The following SQOR variants were observed in gnomAD, a reference collection of about 807,000 sequenced individuals.
SQOR encodes sulfide:quinone oxidoreductase, mitochondrial.
In SQOR, 39 loss-of-function variants were observed where a neutral mutation model predicts 48.6. The ratio of observed to expected loss-of-function variants is 0.80; its 90% CI spans 0.62 to 1.05. The LOEUF (loss-of-function observed/expected upper bound fraction) is 1.05, where lower values mean the gene tolerates loss of function less well. SQOR is among the 50% of genes least tolerant of loss of function. The pLI is 0.00. For missense variants in SQOR, 561 were observed against 559.9 expected (o/e 1.00, Z -0.02); for synonymous variants, 220 against 206.2 (o/e 1.07, Z -0.57).
chr15:45,642,746 ACATAATTCCTTTTTCTTCAG>A (rs892416189), intron 1 of SQOR, among the ~76,000 whole-genome samples: 3 of 152,074 alleles, frequency 2.0e-5, no homozygotes, highest in Non-Finnish European at 2.9e-5. Flanking sequence ...TTTTCTGCTC[ACATAATTCCTTTTTCTTCAG>A]CTGTCTAGAT....
intron 1 of SQOR, among the ~76,000 whole-genome samples, chr15:45,649,473 GTTTTTC>G (rs941418499): frequency 7.9e-5 from 12 of 152,250 alleles, no homozygotes; most frequent in African/African-American, 2.4e-4. Context: ...ATTTATTGAT[GTTTTTC>G]TTTTTCTTTT....
intron 3 of SQOR, among the ~76,000 whole-genome samples, chr15:45,666,745 C>T (rs1392388732): frequency 8.5e-6 from 1 of 117,624 alleles, no homozygotes; most frequent in Non-Finnish European, 1.8e-5. Flanking sequence ...CCCTTCCCTC[C>T]TCTCCTCTCT....
At chr15:45,674,440 TA>T (rs766883123) in intron 5 of SQOR, among the ~76,000 whole-genome samples, 2,802 of 138,478 alleles carry the variant, frequency 0.02, 69 homozygotes, top group African/African-American at 0.061. Flanking sequence ...AGCTCCGTCT[TA>T]AAAAAAAAAA....
At chr15:45,683,974 C>T (rs2140962229) in intron 7 of SQOR, among the ~76,000 whole-genome samples, 1 of 152,010 alleles carries the variant, frequency 6.6e-6, no homozygotes, top group East Asian at 1.9e-4. Flanking sequence ...TGCAGTGGCG[C>T]ACTCTCAGCT....
chr15:45,658,704 T>C (rs1889660609), intron 1 of SQOR, among the ~76,000 whole-genome samples: 2 of 152,144 alleles, frequency 1.3e-5, no homozygotes, highest in South Asian at 4.1e-4. Flanking sequence ...GGAGAAATGG[T>C]AAGTGTAGTC....
intron 2 of SQOR, among the ~76,000 whole-genome samples, chr15:45,661,261 G>GA (rs1022294781): frequency 7.7e-6 from 1 of 129,562 alleles, no homozygotes; most frequent in African/African-American, 3.0e-5. Flanking sequence ...CAGCCTGGGT[G>GA]ATTGGGGTGA....
At chr15:45,644,251 C>T (rs1006159345) in intron 1 of SQOR, among the ~76,000 whole-genome samples, 2 of 152,076 alleles carry the variant, frequency 1.3e-5, no homozygotes, top group South Asian at 4.2e-4. Context: ...TCATGCCTGG[C>T]TAATTTTTGT....
At position 45,676,171 on chromosome 15, in the gene SQOR, A is replaced by T. The variant is rs781173506; in HGVS notation, c.725A>T (p.Tyr242Phe). Reference sequence around the variant, plus strand: ...GGAGCCATTTTCGGGGTTAAGAAGTATGCAGATGCCCTGCAGGAGATCATC... The same window carrying T: ...GGAGCCATTTTCGGGGTTAAGAAGTTTGCAGATGCCCTGCAGGAGATCATC... Reference protein sequence around the residue: ...SLGAIFGVKKYADALQEIIQE... With the variant: ...SLGAIFGVKKFADALQEIIQE... Residue 242 changes from tyrosine to phenylalanine, a missense_variant, in exon 6 of 10, where the codon TAT becomes TTT. Transcript: ENST00000260324. 4.3e-6 allele frequency: 7 copies of T among 1,614,226 alleles called. No homozygotes were observed. The South Asian group carries it at 4.4e-5, about 10-fold the overall frequency.
At chr15:45,665,010 C>A (rs1889789516) in intron 3 of SQOR, among the ~76,000 whole-genome samples, 1 of 152,070 alleles carries the variant, frequency 6.6e-6, no homozygotes, top group African/African-American at 2.4e-5. Flanking sequence ...GGCCAGGAGA[C>A]CTCTCTCATA....
chr15:45,675,971 T>G (rs190554088), intron 5 of SQOR, 130 bp from the exon 6 acceptor site: 1 of 841,396 alleles, frequency 1.2e-6, no homozygotes, highest in African/African-American at 1.7e-5. Context: ...TACCCATTGC[T>G]CTGCCAGGAC....
intron 3 of SQOR, 45 bp from the exon 4 acceptor site, chr15:45,669,883 T>C (rs771963725): frequency 6.4e-7 from 1 of 1,564,790 alleles, no homozygotes; most frequent in Non-Finnish European, 8.8e-7. Context: ...CTTGAGTTGA[T>C]GCTTCTTGAG....
chr15:45,689,426 T>C, intron 9 of SQOR: 1 of 414,484 alleles, frequency 2.4e-6, no homozygotes, highest in Non-Finnish European at 4.2e-6. Context: ...ACTTTTTTTT[T>C]TTTTTTTTTG....
chr15:45,635,647 A>G (rs1254065793), intron 1 of SQOR, among the ~76,000 whole-genome samples: 1 of 152,166 alleles, frequency 6.6e-6, no homozygotes, highest in East Asian at 1.9e-4. Flanking sequence ...TTCTGGTGGA[A>G]TCTGGGCTCA....
At chr15:45,659,414 A>G (rs1020158370) in intron 2 of SQOR, among the ~76,000 whole-genome samples, 1 of 152,132 alleles carries the variant, frequency 6.6e-6, no homozygotes, top group African/African-American at 2.4e-5. Context: ...GCCATAACAA[A>G]TTACTGCAAA....
chr15:45,649,978 G>A (rs1196307022), intron 1 of SQOR, among the ~76,000 whole-genome samples: 1 of 151,824 alleles, frequency 6.6e-6, no homozygotes, highest in Non-Finnish European at 1.5e-5. Flanking sequence ...AAGTACCTGG[G>A]ATTACAGTTA....
In SQOR at chr15:45,635,062, G is replaced by A. The variant is rs564629121; in HGVS notation, c.-64G>A. ...CCTTGAGACCCAGAAGGGAGCGAAG[G>A]TTTTTGCTGCGCCAACGCAGTGACC... On this transcript the variant is annotated 5_prime_UTR_variant, in exon 1 of 10. Transcript: ENST00000260324. 6.6e-6 allele frequency: 1 copy of A among 152,388 alleles called. No individual in the cohort carries two copies. The highest frequency in any genetic ancestry group is 1.9e-4 in the East Asian group (1 of 5,168). The allele number at this position is 152,388 out of a possible 1,614,324, so 9.4% of individuals were successfully genotyped here. A position where few individuals can be genotyped will look rare whatever the true frequency, so the allele number is the denominator to read the frequency against.
chr15:45,663,767 TA>T (rs768834308), intron 3 of SQOR, among the ~76,000 whole-genome samples: 1 of 151,300 alleles, frequency 6.6e-6, no homozygotes, highest in African/African-American at 2.4e-5. Context: ...CTCCAAAAAA[TA>T]AAAAAATAAA....
intron 2 of SQOR, among the ~76,000 whole-genome samples, chr15:45,659,928 G>C (rs1341130372): frequency 6.6e-6 from 1 of 152,194 alleles, no homozygotes; most frequent in Non-Finnish European, 1.5e-5. Flanking sequence ...TTGCCTATCT[G>C]TTCCTGTCTG....
intron 3 of SQOR, 35 bp from the exon 4 acceptor site, chr15:45,669,893 G>A (rs1160942434): frequency 1.9e-6 from 3 of 1,597,972 alleles, no homozygotes; most frequent in Non-Finnish European, 2.6e-6. Flanking sequence ...TGCTTCTTGA[G>A]TCCTGGTCTA....
Sources: gnomAD v4.1 joint callset for allele counts (sites outside exome capture counted in the v4.1 genomes callset) on GRCh38, gnomAD v4.1.1 for gene constraint, MANE v1.5 for transcripts, NCBI Gene and HGNC (gene_info 2026-07-23, HGNC 2026-07-21) for gene names.